Variants in NRXN1 observed in about 807,000 individuals in gnomAD.
NRXN1 encodes the protein neurexin-1.
Under a neutral mutation model 150.9 loss-of-function variants are expected in NRXN1, and 39 were observed. The observed-to-expected ratio is 0.26, with a 90% CI of 0.20 to 0.34. NRXN1 has a LOEUF of 0.34. NRXN1 is among the 10% of genes least tolerant of loss of function. The pLI is 1.00. For missense variants in NRXN1, 1,815 were observed against 1,949.9 expected, an observed-to-expected ratio of 0.93 and a Z score of 1.30; for synonymous variants, 924 against 757.0, an observed-to-expected ratio of 1.22 and a Z score of -3.62.
chr2:50,156,858 C>T (rs929122820), intron 18 of NRXN1, among the ~76,000 whole-genome samples: 1 of 151,890 alleles, frequency 6.6e-6, no homozygotes, highest in African/African-American at 2.4e-5. Context: ...AGCATATATG[C>T]GATTCACAAA....
At chr2:50,657,355 C>A (rs1686642691) in intron 5 of NRXN1, among the ~76,000 whole-genome samples, 1 of 152,056 alleles carries the variant, frequency 6.6e-6, no homozygotes, top group Non-Finnish European at 1.5e-5. Context: ...ACCACCTACA[C>A]CTTGCCTTTA....
chr2:50,153,784 A>C (rs1165494802), intron 18 of NRXN1, among the ~76,000 whole-genome samples: 1 of 151,822 alleles, frequency 6.6e-6, no homozygotes, highest in Non-Finnish European at 1.5e-5. Flanking sequence ...GGAGGGAAGA[A>C]GGGTTTGCAA....
At chr2:50,533,944 T>C (rs547678443) in intron 10 of NRXN1, among the ~76,000 whole-genome samples, 2 of 152,272 alleles carry the variant, frequency 1.3e-5, no homozygotes, top group South Asian at 4.1e-4. Flanking sequence ...GACCATTTCT[T>C]GTTTGTAGAG....
chr2:50,829,723 G>T, intron 5 of NRXN1: 2 of 1,591,706 alleles, frequency 1.3e-6, no homozygotes, highest in Non-Finnish European at 1.7e-6. Context: ...GCTCGCCCAC[G>T]GTTGGCAGCG....
intron 17 of NRXN1, among the ~76,000 whole-genome samples, chr2:50,247,858 A>T (rs1232495787): frequency 6.6e-6 from 1 of 152,182 alleles, no homozygotes; most frequent in Non-Finnish European, 1.5e-5. Flanking sequence ...CCTGGTTTTA[A>T]TCATTGTACT....
chr2:50,540,287 C>T (rs1229602718), intron 9 of NRXN1, among the ~76,000 whole-genome samples: 2 of 152,130 alleles, frequency 1.3e-5, no homozygotes, highest in Non-Finnish European at 1.5e-5. Context: ...TTTTACTGTT[C>T]ACATTTGTAC....
rs573925449 is a variant in NRXN1, at chr2:50,219,666, C to T, written c.3546+17123G>A. On this transcript the variant is annotated intron_variant, in intron 18 of 22. Transcript: ENST00000401669. Reference sequence around the variant, plus strand: ...TTTTGGGAGGCCAAGGCAGGAGGATCGCTTGAGCCCAGGAGTTAGAGACCA... The same window carrying T: ...TTTTGGGAGGCCAAGGCAGGAGGATTGCTTGAGCCCAGGAGTTAGAGACCA... 1.9e-4 allele frequency among the ~76,000 whole-genome samples: 28 copies of T among 150,970 alleles called. 1 individual carries two copies. The South Asian group carries it at 5.4e-3, about 29-fold the overall frequency.
intron 8 of NRXN1, among the ~76,000 whole-genome samples, chr2:50,573,457 C>T (rs558302438): frequency 2.0e-5 from 3 of 151,812 alleles, no homozygotes; most frequent in African/African-American, 7.3e-5. Flanking sequence ...ATTTCTAAGT[C>T]TATGTGGGAG....
chr2:50,582,816 G>C (rs143035193), intron 8 of NRXN1, among the ~76,000 whole-genome samples: 31 of 152,196 alleles, frequency 2.0e-4, no homozygotes, highest in African/African-American at 6.5e-4. Context: ...GGTTTCAGTT[G>C]GGTTTCAGTT....
At chr2:50,658,890 CA>C (rs1686883000) in intron 5 of NRXN1, among the ~76,000 whole-genome samples, 1 of 151,994 alleles carries the variant, frequency 6.6e-6, no homozygotes, top group Admixed American at 6.6e-5. Flanking sequence ...CCATACTCTC[CA>C]GCCCACATCA....
At chr2:50,612,295 T>C (rs568469470) in intron 8 of NRXN1, among the ~76,000 whole-genome samples, 58 of 152,230 alleles carry the variant, frequency 3.8e-4, no homozygotes, top group Admixed American at 2.6e-3. Context: ...TGGTGGTGCA[T>C]CCCTCTCTGC....
intron 17 of NRXN1, among the ~76,000 whole-genome samples, chr2:50,321,934 T>C (rs2076065740): frequency 6.6e-6 from 1 of 152,006 alleles, no homozygotes; most frequent in Non-Finnish European, 1.5e-5. Flanking sequence ...TAATATGTAT[T>C]ATCTGCCCAT....
At chr2:50,987,156 T>C (rs1697850373) in intron 2 of NRXN1, among the ~76,000 whole-genome samples, 1 of 151,984 alleles carries the variant, frequency 6.6e-6, no homozygotes, top group African/African-American at 2.4e-5. Context: ...TCATTTTATT[T>C]GTCATAATTT....
chr2:50,261,147 A>G (rs1434347730), intron 17 of NRXN1, among the ~76,000 whole-genome samples: 1 of 151,766 alleles, frequency 6.6e-6, no homozygotes, highest in Non-Finnish European at 1.5e-5. Flanking sequence ...ATCTTTGAGC[A>G]TTTACACTGT....
chr2:50,116,823 TTAAC>T (rs984963187), intron 18 of NRXN1, among the ~76,000 whole-genome samples: 3 of 152,166 alleles, frequency 2.0e-5, no homozygotes, highest in Admixed American at 6.6e-5. Context: ...ATACTGGACT[TTAAC>T]TACTGCCATT....
intron 17 of NRXN1, among the ~76,000 whole-genome samples, chr2:50,280,277 CAAAA>C (rs4032052): frequency 2.4e-5 from 3 of 122,830 alleles, no homozygotes; most frequent in Admixed American, 8.2e-5. Flanking sequence ...GAATCAGTCT[CAAAA>C]AAAAAAAAAA....
At chr2:50,842,422 T>C (rs1304636610) in intron 5 of NRXN1, among the ~76,000 whole-genome samples, 2 of 152,156 alleles carry the variant, frequency 1.3e-5, no homozygotes, top group African/African-American at 4.8e-5. Flanking sequence ...TTGTACAGCA[T>C]TGAAAAGTCC....
intron 17 of NRXN1, among the ~76,000 whole-genome samples, chr2:50,387,057 C>T (rs921045259): frequency 6.6e-6 from 1 of 152,038 alleles, no homozygotes; most frequent in African/African-American, 2.4e-5. Context: ...ATTAGAGCCA[C>T]CTCAAGTTTC....
In NRXN1 at chr2:50,922,707, A is replaced by ACAGT. The variant is rs1482435589; in HGVS notation, c.791-24_791-21dup. 2.5e-6 allele frequency: 4 copies of ACAGT among 1,609,574 alleles called. No individual in the cohort carries two copies. The highest frequency in any genetic ancestry group is 3.4e-6 in the Non-Finnish European group (4 of 1,177,614). Reference sequence around the variant, plus strand: ...CCAGACCTTGAAGGGAAACAAGAGCACAGTCAGCAATAAACAAGGGAGCAT... The same window carrying ACAGT: ...CCAGACCTTGAAGGGAAACAAGAGCACAGTCAGTCAGCAATAAACAAGGGAGCAT... On this transcript the variant is annotated intron_variant, in intron 3 of 22. Transcript: ENST00000401669.
Sources: gnomAD v4.1 joint callset for allele counts (sites outside exome capture counted in the v4.1 genomes callset) on GRCh38, gnomAD v4.1.1 for gene constraint, MANE v1.5 for transcripts, NCBI Gene and HGNC (gene_info 2026-07-23, HGNC 2026-07-21) for gene names.